ADGRL3: variants seen among roughly 807,000 people sequenced by gnomAD.
ADGRL3 encodes calcium-independent alpha-latrotoxin receptor 3.
In ADGRL3, 62 loss-of-function variants were observed where a neutral mutation model predicts 153.5. The observed-to-expected ratio is 0.40, with a 90% confidence interval of 0.33 to 0.50. ADGRL3 has a LOEUF of 0.50. ADGRL3 is among the 20% of genes least tolerant of loss of function. ADGRL3 has a pLI of 0.47. For missense variants in ADGRL3, 1,641 were observed against 1,859.4 expected (o/e 0.88, Z 2.16); for synonymous variants, 710 against 672.5 (o/e 1.06, Z -0.86).
intron 9 of ADGRL3, among the ~76,000 whole-genome samples, chr4:61,815,188 C>T (rs767477085): frequency 2.6e-5 from 4 of 152,062 alleles, no homozygotes; most frequent in Non-Finnish European, 5.9e-5. Context: ...AGGAATTGTG[C>T]TGGATGCACA....
At chr4:61,238,442 GGTGTGTGTGTGTGT>G (rs3065319) in intron 1 of ADGRL3, among the ~76,000 whole-genome samples, 2 of 147,458 alleles carry the variant, frequency 1.4e-5, no homozygotes, top group African/African-American at 5.0e-5. Context: ...TCTAATGTGT[GGTGTGTGTGTGTGT>G]GTGTGTGTGT....
chr4:61,411,151 T>G (rs896631641), intron 2 of ADGRL3, among the ~76,000 whole-genome samples: 1 of 152,170 alleles, frequency 6.6e-6, no homozygotes, highest in Non-Finnish European at 1.5e-5. Context: ...CTATTCAGAT[T>G]TTGTCAATTG....
At chr4:61,818,137 G>A (rs1414899070) in intron 9 of ADGRL3, among the ~76,000 whole-genome samples, 1 of 152,146 alleles carries the variant, frequency 6.6e-6, no homozygotes, top group African/African-American at 2.4e-5. Context: ...CTGCCTATGA[G>A]CCTGTAAAAT....
chr4:61,608,997 T>A (rs2149650510), intron 5 of ADGRL3, among the ~76,000 whole-genome samples: 1 of 152,274 alleles, frequency 6.6e-6, no homozygotes, highest in South Asian at 2.1e-4. Flanking sequence ...ACTTTAAAAA[T>A]TGTCTTTTTT....
intron 5 of ADGRL3, among the ~76,000 whole-genome samples, chr4:61,607,597 A>G (rs908858524): frequency 6.6e-6 from 1 of 151,910 alleles, no homozygotes; most frequent in African/African-American, 2.4e-5. Flanking sequence ...TTCCACCCAA[A>G]CAAACAAACA....
At chr4:61,577,466 T>A (rs1316241878) in intron 4 of ADGRL3, among the ~76,000 whole-genome samples, 1 of 151,978 alleles carries the variant, frequency 6.6e-6, no homozygotes, top group African/African-American at 2.4e-5. Context: ...AACATAAACT[T>A]TGTAATTGTT....
At chr4:62,054,275 ACTACAAAAG>A (rs1281300668) in intron 25 of ADGRL3, among the ~76,000 whole-genome samples, 1 of 151,700 alleles carries the variant, frequency 6.6e-6, no homozygotes, top group Admixed American at 6.6e-5. Context: ...CATGGCTTTG[ACTACAAAAG>A]ATGAGCTTTA....
intron 9 of ADGRL3, among the ~76,000 whole-genome samples, chr4:61,834,544 A>G (rs986230708): frequency 6.6e-6 from 1 of 152,116 alleles, no homozygotes; most frequent in African/African-American, 2.4e-5. Flanking sequence ...GGCAGTTTCA[A>G]TCCCTCCCTT....
chr4:61,518,565 A>AGAGTTAAATGTAATTCTTC, intron 4 of ADGRL3, among the ~76,000 whole-genome samples: 1 of 152,316 alleles, frequency 6.6e-6, no homozygotes, highest in Non-Finnish European at 1.5e-5. Flanking sequence ...GAGACCCGTG[A>AGAGTTAAATGTAATTCTTC]GAGTTAAATG....
rs1411861415 is a variant in ADGRL3 at position 61,934,910 on chromosome 4, G to C, written c.2183G>C (p.Ser728Thr). 1.9e-6 allele frequency: 3 copies of C among 1,613,844 alleles called. No homozygotes were observed. The highest frequency in any genetic ancestry group is 2.5e-6 in the Non-Finnish European group (3 of 1,179,814). The change falls in exon 14 of 27, where the codon AGT becomes ACT. Residue 728 changes from serine (S) to threonine (T), a missense_variant. Coordinates refer to ENST00000683033, the MANE Select transcript of ADGRL3 (RefSeq NM_001387552.1). ...ALNAWRDLTTSDQLRAATMLL... is the reference protein window; with the variant it reads ...ALNAWRDLTTTDQLRAATMLL... ...AATGCATGGAGAGACCTGACTACGA[G>C]TGATCAGCTGCGTGCGGCCACCATG...
In ADGRL3 at chr4:61,733,551, T is replaced by A. The variant is rs756818356; in HGVS notation, c.1396T>A (p.Ser466Thr). 1.1e-5 allele frequency: 17 copies of A among 1,602,576 alleles called. No homozygotes were observed. Among genetic ancestry groups the A allele is most frequent in the Non-Finnish European group, 1.5e-5 (17 of 1,171,382 alleles). Reference sequence around the variant, plus strand: ...GGATTTTGGACCTCTGGATAGTAGATCAGGTAAGTTCAACCTTTTGTGGTA... The same window carrying A: ...GGATTTTGGACCTCTGGATAGTAGAACAGGTAAGTTCAACCTTTTGTGGTA... ...SLDFGPLDSR[S>T]GQAHHGQVSY... The change falls in exon 8 of 27, where the codon TCA becomes ACA. Residue 466 changes from serine to threonine, a missense_variant. Coordinates refer to ENST00000683033, the MANE Select transcript of ADGRL3 (RefSeq NM_001387552.1).
chr4:61,779,236 C>G (rs1374848030), intron 8 of ADGRL3, among the ~76,000 whole-genome samples: 1 of 152,050 alleles, frequency 6.6e-6, no homozygotes, highest in Non-Finnish European at 1.5e-5. Flanking sequence ...ATAGATTACA[C>G]TTAACTGAAT....
intron 8 of ADGRL3, among the ~76,000 whole-genome samples, chr4:61,796,164 C>T (rs1247175663): frequency 6.6e-6 from 1 of 152,152 alleles, no homozygotes; most frequent in African/African-American, 2.4e-5. Context: ...TAGTTTGCAT[C>T]CCAACACAAT....
intron 1 of ADGRL3, among the ~76,000 whole-genome samples, chr4:61,336,638 G>A (rs757802363): frequency 6.6e-6 from 1 of 151,876 alleles, no homozygotes; most frequent in African/African-American, 2.4e-5. Context: ...CAGTTTATTC[G>A]TTTGTTGGTC....
At chr4:61,302,470 G>A (rs1247366794) in intron 1 of ADGRL3, among the ~76,000 whole-genome samples, 1 of 151,996 alleles carries the variant, frequency 6.6e-6, no homozygotes, top group Non-Finnish European at 1.5e-5. Flanking sequence ...GTTGAACAGT[G>A]TGTGGAACTG....
In ADGRL3 at chr4:61,558,792, G is replaced by A. The variant is rs150420270; in HGVS notation, c.260-28435G>A. 2.6e-5 allele frequency among the ~76,000 whole-genome samples: 4 copies of A among 151,990 alleles called. No homozygotes were observed. In the East Asian group the frequency reaches 7.8e-4, roughly 30 times the overall value. On this transcript the variant is annotated intron_variant, in intron 4 of 26. Coordinates refer to ENST00000683033, the MANE Select transcript of ADGRL3 (RefSeq NM_001387552.1). ...GCAAAATCTCTTAAAATTCCTCCAT[G>A]GGACCATTTTATTTTTAAAATGAAT...
At position 61,847,340 on chromosome 4, in the gene ADGRL3, C is replaced by G. The variant is rs569292961; in HGVS notation, c.1480+33451C>G. 2.9e-4 allele frequency among the ~76,000 whole-genome samples: 44 copies of G among 150,900 alleles called. No homozygotes were observed. In the South Asian group the frequency reaches 8.8e-3, roughly 30 times the overall value. On this transcript the variant is annotated intron_variant, in intron 9 of 26. Transcript: ENST00000683033. ...AATAAATTCACTGACAATTGCCCTG[C>G]AGAAGAAGTATTATACCAAGTTACA...
intron 1 of ADGRL3, among the ~76,000 whole-genome samples, chr4:61,344,983 A>G (rs2095871979): frequency 6.7e-6 from 1 of 149,248 alleles, no homozygotes; most frequent in South Asian, 2.1e-4. Flanking sequence ...TTTTTAGTAG[A>G]GACAGGGTTT....
chr4:61,427,720 GC>G (rs2097299979), intron 2 of ADGRL3: 1 of 152,974 alleles, frequency 6.5e-6, no homozygotes, highest in South Asian at 2.1e-4. Context: ...GGGATGGCTG[GC>G]CCAGGCCCAC....
Sources: gnomAD v4.1 joint callset for allele counts (sites outside exome capture counted in the v4.1 genomes callset) on GRCh38, gnomAD v4.1.1 for gene constraint, MANE v1.5 for transcripts, NCBI Gene and HGNC (gene_info 2026-07-23, HGNC 2026-07-21) for gene names.